ACSS3: variants seen among roughly 807,000 people sequenced by gnomAD.
ACSS3 encodes acyl-CoA synthetase short chain family member 3.
In ACSS3, 64 loss-of-function variants were observed where a neutral mutation model predicts 84.2. That is an observed-to-expected ratio of 0.76 (90% CI 0.62 to 0.94). The LOEUF is 0.94. Ranked by LOEUF, ACSS3 falls within the 40% of genes least tolerant of loss-of-function variation. ACSS3 has a pLI of 0.00. For synonymous variants in ACSS3, 317 were observed against 310.1 expected, an observed-to-expected ratio of 1.02 and a Z score of -0.23; for missense variants, 815 against 867.6, an observed-to-expected ratio of 0.94 and a Z score of 0.76.
chr12:81,102,045 GCACACACA>G (rs68004924), intron 1 of ACSS3, among the ~76,000 whole-genome samples: 3 of 149,058 alleles, frequency 2.0e-5, no homozygotes, highest in Non-Finnish European at 4.5e-5. Flanking sequence ...TTATGCACAC[GCACACACA>G]CACACACACA....
chr12:81,177,917 G>A (rs1440585926), intron 8 of ACSS3, among the ~76,000 whole-genome samples: 2 of 152,126 alleles, frequency 1.3e-5, no homozygotes, highest in Non-Finnish European at 2.9e-5. Flanking sequence ...GATTCCTCAG[G>A]GATCTAGAAC....
At chr12:81,199,285 A>G in intron 8 of ACSS3, 56 bp from the exon 9 acceptor site, 1 of 1,471,924 alleles carries the variant, frequency 6.8e-7, no homozygotes, top group Non-Finnish European at 9.3e-7. Context: ...AAATGTAAAT[A>G]CAATTATTTA....
rs558033181 is a variant in ACSS3, at chr12:81,242,092, G to T, written c.1719+8621G>T. 2.0e-5 allele frequency among the ~76,000 whole-genome samples: 3 copies of T among 152,182 alleles called. No homozygotes were observed. In the East Asian group the frequency reaches 5.8e-4, roughly 29 times the overall value. On this transcript the variant is annotated intron_variant, in intron 13 of 15. Coordinates refer to ENST00000548058, the MANE Select transcript of ACSS3 (RefSeq NM_024560.4). ...TTCCCAGCACCATTTATTAAATAGGGAATCCTTTCCCCATTGCTTGTTTTT... is the reference window on the plus strand; with the variant it reads ...TTCCCAGCACCATTTATTAAATAGGTAATCCTTTCCCCATTGCTTGTTTTT...
intron 13 of ACSS3, among the ~76,000 whole-genome samples, chr12:81,242,811 C>G (rs538233349): frequency 6.6e-6 from 1 of 151,394 alleles, no homozygotes. Flanking sequence ...TTCAACAACC[C>G]TTCATGCTAA....
intron 13 of ACSS3, among the ~76,000 whole-genome samples, chr12:81,248,398 T>A (rs151021902): frequency 0.011 from 1,657 of 152,092 alleles, 14 homozygotes; most frequent in African/African-American, 0.021. Flanking sequence ...AATCCTGCCA[T>A]TTGCAGCTAT....
intron 5 of ACSS3, among the ~76,000 whole-genome samples, chr12:81,147,203 A>G (rs1886382806): frequency 1.3e-5 from 2 of 152,170 alleles, no homozygotes; most frequent in African/African-American, 4.8e-5. Context: ...CTGTATCAAG[A>G]TATTTCATGT....
chr12:81,177,143 G>A (rs971582436), intron 8 of ACSS3, among the ~76,000 whole-genome samples: 7 of 151,922 alleles, frequency 4.6e-5, no homozygotes, highest in Non-Finnish European at 7.4e-5. Flanking sequence ...CCCAAACAAG[G>A]CATCAAAAGA....
intron 13 of ACSS3, among the ~76,000 whole-genome samples, chr12:81,247,952 T>G (rs1435884494): frequency 6.6e-6 from 1 of 152,086 alleles, no homozygotes; most frequent in Non-Finnish European, 1.5e-5. Flanking sequence ...ATATTGTTTT[T>G]AAGTACAGTA....
At chr12:81,176,065 T>C (rs571891752) in intron 8 of ACSS3, among the ~76,000 whole-genome samples, 74 of 152,252 alleles carry the variant, frequency 4.9e-4, no homozygotes, top group African/African-American at 1.7e-3. Context: ...AAACCAAAAG[T>C]TGAGTTTTTA....
chr12:81,138,333 C>T (rs1056944967), intron 3 of ACSS3, among the ~76,000 whole-genome samples: 1 of 152,192 alleles, frequency 6.6e-6, no homozygotes, highest in Non-Finnish European at 1.5e-5. Flanking sequence ...AAATAAATGA[C>T]ATCCAAACTT....
intron 5 of ACSS3, among the ~76,000 whole-genome samples, chr12:81,149,047 C>A (rs1886486757): frequency 6.6e-6 from 1 of 151,636 alleles, no homozygotes. Flanking sequence ...CCACTGCACT[C>A]CAGCCTGGGT....
intron 3 of ACSS3, among the ~76,000 whole-genome samples, chr12:81,137,637 T>C (rs987232885): frequency 6.6e-6 from 1 of 152,266 alleles, no homozygotes; most frequent in Non-Finnish European, 1.5e-5. Flanking sequence ...AGACTGTTAA[T>C]AGAAATGTGA....
intron 7 of ACSS3, among the ~76,000 whole-genome samples, chr12:81,165,932 A>C (rs1887382252): frequency 6.6e-6 from 1 of 152,202 alleles, no homozygotes; most frequent in South Asian, 2.1e-4. Context: ...GAACTCTTCT[A>C]AGCACTTTTT....
At chr12:81,212,402 G>A (rs564140954) in intron 9 of ACSS3, among the ~76,000 whole-genome samples, 223 of 152,308 alleles carry the variant, frequency 1.5e-3, no homozygotes, top group Non-Finnish European at 1.4e-3. Context: ...TCCTGCCACA[G>A]GGATTTTTCT....
rs547990886 is a variant in ACSS3, at chr12:81,259,602, A to C, written c.*4680A>C. The C allele has an allele frequency of 1.6e-4, 251 of 1,525,944 alleles. No individual in the cohort carries two copies. Among genetic ancestry groups the C allele is most frequent in the South Asian group, 5.8e-4 (49 of 83,778 alleles). 94.5% of individuals were successfully genotyped at this position (1,525,944 alleles called of 1,614,324 possible). On this transcript the variant is annotated 3_prime_UTR_variant, in exon 16 of 16. Coordinates refer to ENST00000548058, the MANE Select transcript of ACSS3 (RefSeq NM_024560.4). ...GAATTCAGTTTTCACAAAGGTTTTCACTGCTCGTCTTCTTAGATGGTAGTG... is the reference window on the plus strand; with the variant it reads ...GAATTCAGTTTTCACAAAGGTTTTCCCTGCTCGTCTTCTTAGATGGTAGTG...
intron 11 of ACSS3, among the ~76,000 whole-genome samples, chr12:81,230,522 A>G (rs2033422481): frequency 6.6e-6 from 1 of 151,818 alleles, no homozygotes; most frequent in South Asian, 2.1e-4. Flanking sequence ...ATAAGTCTGG[A>G]TGATTATGAG....
rs555647175 is a variant in ACSS3 at position 81,236,220 on chromosome 12, T to C, written c.1719+2749T>C. 4.0e-5 allele frequency among the ~76,000 whole-genome samples: 6 copies of C among 151,680 alleles called. No homozygotes were observed. In the South Asian group the frequency reaches 1.2e-3, roughly 31 times the overall value. On this transcript the variant is annotated intron_variant, in intron 13 of 15. Coordinates refer to ENST00000548058, the MANE Select transcript of ACSS3 (RefSeq NM_024560.4). ...CTTTTTCTGCCTCTATTAATAGGAA[T>C]ATGTGATTTTTCTTTTTAACAATGT...
At chr12:81,187,663 A>AT (rs2031344943) in intron 8 of ACSS3, among the ~76,000 whole-genome samples, 1 of 151,976 alleles carries the variant, frequency 6.6e-6, no homozygotes, top group African/African-American at 2.4e-5. Context: ...TTGTGAAAAA[A>AT]TAAAAAAAAT....
intron 7 of ACSS3, among the ~76,000 whole-genome samples, chr12:81,155,575 G>A (rs1593136968): frequency 6.6e-6 from 1 of 152,190 alleles, no homozygotes; most frequent in African/African-American, 2.4e-5. Flanking sequence ...CTGAGAATCT[G>A]CAAGTGATTC....
Sources: gnomAD v4.1 joint callset for allele counts (sites outside exome capture counted in the v4.1 genomes callset) on GRCh38, gnomAD v4.1.1 for gene constraint, MANE v1.5 for transcripts, NCBI Gene and HGNC (gene_info 2026-07-23, HGNC 2026-07-21) for gene names.